The following CPA3 variants were observed in gnomAD, a reference collection of about 807,000 sequenced individuals.
The protein encoded by CPA3 is mast cell carboxypeptidase A.
In CPA3, 52 loss-of-function variants were observed where a neutral mutation model predicts 55.8. That is an observed-to-expected ratio of 0.93 (90% CI 0.75 to 1.17). CPA3 has a LOEUF of 1.17. Among genes scored for constraint, CPA3 ranks in the 50% most tolerant of loss-of-function variants. CPA3 has a pLI of 0.00. For missense variants in CPA3, 547 were observed against 509.1 expected (o/e 1.07, Z -0.72); for synonymous variants, 179 against 171.2 (o/e 1.05, Z -0.36).
chr3:148,873,703 G>C (rs932531218), intron 3 of CPA3, among the ~76,000 whole-genome samples: 1 of 152,182 alleles, frequency 6.6e-6, no homozygotes, highest in South Asian at 2.1e-4. Flanking sequence ...CGGTGCTGAT[G>C]TCAGACCCTC....
At position 148,896,694 on chromosome 3, in the gene CPA3, A is replaced by C. The variant is rs1714840908; in HGVS notation, c.1241A>C (p.Lys414Thr). 2 of 1,527,784 alleles carry C rather than the reference A, an allele frequency of 1.3e-6. No individual in the cohort carries two copies. Among genetic ancestry groups the C allele is most frequent in the East Asian group, 2.3e-5 (1 of 43,614 alleles). 94.6% of individuals were successfully genotyped at this position (1,527,784 alleles called of 1,614,324 possible). ...AVKFIAKYIL[K>T]HTS Reference sequence around the variant, plus strand: ...AAATTTATTGCCAAGTATATCCTCAAGCATACTTCCTAAAGAACTGCCCTC... The same window carrying C: ...AAATTTATTGCCAAGTATATCCTCACGCATACTTCCTAAAGAACTGCCCTC... The change falls in exon 11 of 11, where the codon AAG becomes ACG. Residue 414 changes from lysine to threonine, a missense_variant. Transcript: ENST00000296046.
chr3:148,880,876 C>A (rs1302981615), intron 6 of CPA3, among the ~76,000 whole-genome samples: 1 of 152,120 alleles, frequency 6.6e-6, no homozygotes, highest in Non-Finnish European at 1.5e-5. Context: ...AAGAGCTCCC[C>A]CTACTCAACA....
At position 148,878,396 on chromosome 3, in the gene CPA3, T is replaced by C. The variant is rs202121687; in HGVS notation, c.270-45T>C. 5 of 1,339,248 alleles carry C rather than the reference T, an allele frequency of 3.7e-6. No individual in the cohort carries two copies. The African/African-American group carries it at 7.2e-5, about 19-fold the overall frequency. 83.0% of individuals were successfully genotyped at this position (1,339,248 alleles called of 1,614,324 possible). A position where few individuals can be genotyped will look rare whatever the true frequency, so the allele number is the denominator to read the frequency against. On this transcript the variant is annotated intron_variant, in intron 3 of 10. Coordinates refer to ENST00000296046, the MANE Select transcript of CPA3 (RefSeq NM_001870.4). ...CAAATGAAAGATAACTGTGTTTTCC[T>C]TTCTCATGATAAAACATGTATTTTA...
intron 10 of CPA3, among the ~76,000 whole-genome samples, chr3:148,892,959 G>GA (rs370742640): frequency 1.7e-4 from 24 of 140,776 alleles, no homozygotes; most frequent in East Asian, 6.2e-4. Flanking sequence ...CATCTCAAAA[G>GA]AAAAAAAAAA....
chr3:148,866,331 T>A (rs749976060), intron 2 of CPA3, among the ~76,000 whole-genome samples: 5 of 152,176 alleles, frequency 3.3e-5, no homozygotes, highest in South Asian at 2.1e-4. Flanking sequence ...ATCCACACAT[T>A]GCCCTCCATT....
rs1714304727 is a variant in CPA3 at position 148,879,670 on chromosome 3, C to T, written c.475-118C>T. ...GAGAACAATATGTGCATACATGGTT[C>T]TCATTCAACAATAGACAGGGGAAAT... On this transcript the variant is annotated intron_variant, in intron 5 of 10. Coordinates refer to ENST00000296046, the MANE Select transcript of CPA3 (RefSeq NM_001870.4). The T allele has an allele frequency of 1.6e-5, 11 of 679,190 alleles. 1 individual carries two copies. The South Asian group carries it at 2.0e-4, about 12-fold the overall frequency. The allele number at this position is 679,190 out of a possible 1,614,324, so 42.1% of individuals were successfully genotyped here.
At chr3:148,874,176 G>A (rs1435332027) in intron 3 of CPA3, among the ~76,000 whole-genome samples, 1 of 152,110 alleles carries the variant, frequency 6.6e-6, no homozygotes, top group East Asian at 1.9e-4. Flanking sequence ...TGGAAAGGTT[G>A]TACTTCAACT....
At chr3:148,867,380 A>G (rs951676603) in intron 2 of CPA3, among the ~76,000 whole-genome samples, 4 of 152,202 alleles carry the variant, frequency 2.6e-5, no homozygotes, top group Non-Finnish European at 4.4e-5. Flanking sequence ...TTCCTCTGGC[A>G]TTGGTTAACA....
intron 3 of CPA3, among the ~76,000 whole-genome samples, chr3:148,875,010 A>T (rs1331715031): frequency 6.6e-6 from 1 of 152,176 alleles, no homozygotes; most frequent in Non-Finnish European, 1.5e-5. Flanking sequence ...CAATTGTAAA[A>T]GTTGGAAAAC....
intron 3 of CPA3, among the ~76,000 whole-genome samples, chr3:148,877,181 A>T (rs1469780202): frequency 2.0e-5 from 3 of 152,162 alleles, no homozygotes; most frequent in Non-Finnish European, 2.9e-5. Flanking sequence ...ATGACATGAG[A>T]TGGCTCAGAA....
chr3:148,892,984 T>C (rs1266195319), intron 10 of CPA3, among the ~76,000 whole-genome samples: 1 of 152,018 alleles, frequency 6.6e-6, no homozygotes, highest in African/African-American at 2.4e-5. Context: ...TATATTGTCA[T>C]CAGTATCACA....
chr3:148,892,926 G>A (rs1050076988), intron 10 of CPA3, among the ~76,000 whole-genome samples: 73 of 151,718 alleles, frequency 4.8e-4, no homozygotes, highest in African/African-American at 1.7e-3. Context: ...TTGCATTCTC[G>A]CCTGGGTGAC....
At chr3:148,895,174 GTT>G (rs1002408110) in intron 10 of CPA3, among the ~76,000 whole-genome samples, 2 of 152,094 alleles carry the variant, frequency 1.3e-5, no homozygotes, top group African/African-American at 4.8e-5. Context: ...GATTCACAAG[GTT>G]TTCCAAGCTT....
At chr3:148,895,258 T>C (rs1170551991) in intron 10 of CPA3, among the ~76,000 whole-genome samples, 1 of 152,180 alleles carries the variant, frequency 6.6e-6, no homozygotes, top group East Asian at 1.9e-4. Flanking sequence ...AATGCCTCCA[T>C]GCTTTTCTAT....
chr3:148,891,436 T>C (rs1319317829), intron 10 of CPA3, among the ~76,000 whole-genome samples: 1 of 151,282 alleles, frequency 6.6e-6, no homozygotes, highest in Non-Finnish European at 1.5e-5. Flanking sequence ...GCCATGATCA[T>C]GCCACCGCAC....
intron 7 of CPA3, among the ~76,000 whole-genome samples, chr3:148,882,212 G>A (rs558104131): frequency 2.0e-5 from 3 of 152,138 alleles, no homozygotes; most frequent in African/African-American, 7.2e-5. Flanking sequence ...TTAAATTATG[G>A]TTAATTTCAG....
intron 10 of CPA3, among the ~76,000 whole-genome samples, chr3:148,887,372 T>A (rs569815137): frequency 6.6e-6 from 1 of 152,324 alleles, no homozygotes; most frequent in East Asian, 1.9e-4. Context: ...GCACTGTGCT[T>A]ACCCCTTGAT....
chr3:148,893,005 G>A (rs1714718672), intron 10 of CPA3, among the ~76,000 whole-genome samples: 1 of 151,924 alleles, frequency 6.6e-6, no homozygotes, highest in African/African-American at 2.4e-5. Flanking sequence ...AGACACAAAA[G>A]TAGGCCAGGG....
chr3:148,892,050 C>A (rs1714685705), intron 10 of CPA3, among the ~76,000 whole-genome samples: 1 of 120,742 alleles, frequency 8.3e-6, no homozygotes, highest in African/African-American at 3.2e-5. Context: ...TTAATAACTT[C>A]TTGCCATTCC....
Sources: allele counts gnomAD v4.1 joint callset (sites outside exome capture counted in the v4.1 genomes callset), GRCh38; gene constraint gnomAD v4.1.1; transcripts MANE v1.5; gene names NCBI Gene and HGNC (gene_info 2026-07-23, HGNC 2026-07-21).